Variants in ZNF804A observed in about 807,000 individuals in gnomAD.
ZNF804A encodes zinc finger protein 804A.
In ZNF804A, 2 loss-of-function variants were observed where a neutral mutation model predicts 16.5. That is an observed-to-expected ratio of 0.12 (90% CI 0.05 to 0.38). The LOEUF (loss-of-function observed/expected upper bound fraction) is 0.38. ZNF804A is among the 10% of genes least tolerant of loss of function. ZNF804A has a pLI of 0.99. For synonymous variants in ZNF804A, 534 were observed against 489.6 expected (o/e 1.09, Z -1.20); for missense variants, 1,473 against 1,390.7 (o/e 1.06, Z -0.94).
intron 1 of ZNF804A, among the ~76,000 whole-genome samples, chr2:184,744,290 A>G (rs537032481): frequency 6.6e-6 from 1 of 152,084 alleles, no homozygotes; most frequent in African/African-American, 2.4e-5. Flanking sequence ...TATATACAGT[A>G]TAAGTACATC....
chr2:184,783,718 T>G (rs1299272335), intron 1 of ZNF804A, among the ~76,000 whole-genome samples: 1 of 151,966 alleles, frequency 6.6e-6, no homozygotes, highest in Non-Finnish European at 1.5e-5. Context: ...AGCCACGTAT[T>G]CCACAGTGCC....
chr2:184,912,318 C>T (rs1685373026), intron 2 of ZNF804A, among the ~76,000 whole-genome samples: 1 of 151,926 alleles, frequency 6.6e-6, no homozygotes, highest in Non-Finnish European at 1.5e-5. Flanking sequence ...GTTGTATATT[C>T]CTTGGATATA....
At chr2:184,601,224 A>G (rs1460709336) in intron 1 of ZNF804A, among the ~76,000 whole-genome samples, 5 of 152,076 alleles carry the variant, frequency 3.3e-5, no homozygotes, top group Non-Finnish European at 7.4e-5. Flanking sequence ...CATGAGTATT[A>G]TTATGGAAAA....
At chr2:184,892,547 C>T (rs989769600) in intron 2 of ZNF804A, among the ~76,000 whole-genome samples, 1 of 133,966 alleles carries the variant, frequency 7.5e-6, no homozygotes, top group African/African-American at 2.7e-5. Context: ...TGCAGTGGCT[C>T]GATCTCGGCT....
At chr2:184,795,337 A>G (rs374649211) in intron 1 of ZNF804A, among the ~76,000 whole-genome samples, 3 of 152,150 alleles carry the variant, frequency 2.0e-5, no homozygotes, top group African/African-American at 7.2e-5. Flanking sequence ...TCAGAAACAA[A>G]ATCAAGGTGG....
intron 1 of ZNF804A, among the ~76,000 whole-genome samples, chr2:184,655,059 C>A (rs1692051649): frequency 6.6e-6 from 1 of 152,164 alleles, no homozygotes; most frequent in South Asian, 2.1e-4. Context: ...TGTATTCTAT[C>A]TAGGGAAAAG....
At chr2:184,627,348 T>A (rs1364819617) in intron 1 of ZNF804A, among the ~76,000 whole-genome samples, 5 of 152,176 alleles carry the variant, frequency 3.3e-5, no homozygotes, top group African/African-American at 1.2e-4. Context: ...CCTAGAAAGA[T>A]GAATTTATAT....
chr2:184,695,277 C>T lies in ZNF804A; in HGVS notation c.111+96207C>T, dbSNP rs570920311. Among the ~76,000 whole-genome samples, 13 of 151,574 alleles carry T rather than the reference C, an allele frequency of 8.6e-5. No homozygotes were observed. The South Asian group carries it at 2.1e-3, about 24-fold the overall frequency. The stretch of plus-strand genomic sequence containing the variant: ...GAGATCGAGACCATCCTGGCTAATA[C>T]GGTGAAACCCCGTCTCTACTAAAAA... On this transcript the variant is annotated intron_variant, in intron 1 of 3. Transcript: ENST00000302277.
chr2:184,608,607 C>T (rs544401840), intron 1 of ZNF804A, among the ~76,000 whole-genome samples: 15 of 152,086 alleles, frequency 9.9e-5, no homozygotes, highest in Admixed American at 6.5e-4. Flanking sequence ...ATTAGTGTAT[C>T]GTGAAACTTT....
intron 1 of ZNF804A, among the ~76,000 whole-genome samples, chr2:184,804,089 C>T (rs1447652422): frequency 6.6e-6 from 1 of 152,088 alleles, no homozygotes; most frequent in Admixed American, 6.5e-5. Flanking sequence ...TGGTCTTGAA[C>T]TCCTGACCTC....
chr2:184,653,008 T>C (rs971258143), intron 1 of ZNF804A, among the ~76,000 whole-genome samples: 1 of 151,920 alleles, frequency 6.6e-6, no homozygotes, highest in Non-Finnish European at 1.5e-5. Context: ...CTTTCCTTTA[T>C]AAACTCAGCC....
At chr2:184,800,581 A>AT (rs1330306182) in intron 1 of ZNF804A, among the ~76,000 whole-genome samples, 1 of 151,484 alleles carries the variant, frequency 6.6e-6, no homozygotes, top group Non-Finnish European at 1.5e-5. Context: ...ATACTTATAG[A>AT]TTTTCTAGCT....
chr2:184,802,046 G>A (rs1694734953), intron 1 of ZNF804A, among the ~76,000 whole-genome samples: 1 of 152,118 alleles, frequency 6.6e-6, no homozygotes, highest in African/African-American at 2.4e-5. Context: ...TTAGGTCGAG[G>A]CTGAATATTG....
intron 1 of ZNF804A, among the ~76,000 whole-genome samples, chr2:184,842,649 T>A (rs1355956003): frequency 6.6e-6 from 1 of 152,034 alleles, no homozygotes; most frequent in Non-Finnish European, 1.5e-5. Context: ...TTAAAATACA[T>A]AACAATGAAA....
chr2:184,736,851 ATTTC>A (rs147591388), intron 1 of ZNF804A, among the ~76,000 whole-genome samples: 7,652 of 144,794 alleles, frequency 0.053, 240 homozygotes, highest in Middle Eastern at 0.084. Flanking sequence ...TAGAACTCGT[ATTTC>A]TTCTTTTTTT....
chr2:184,666,271 C>T (rs1204019657), intron 1 of ZNF804A, among the ~76,000 whole-genome samples: 1 of 151,948 alleles, frequency 6.6e-6, no homozygotes, highest in Non-Finnish European at 1.5e-5. Flanking sequence ...ATTTGATTAT[C>T]TCAAAATAGC....
intron 1 of ZNF804A, among the ~76,000 whole-genome samples, chr2:184,658,587 A>C (rs2105704779): frequency 6.6e-6 from 1 of 152,296 alleles, no homozygotes; most frequent in African/African-American, 2.4e-5. Context: ...ATTTAGATTT[A>C]GGCTATGAGA....
At chr2:184,746,389 G>A (rs1693790001) in intron 1 of ZNF804A, among the ~76,000 whole-genome samples, 1 of 150,982 alleles carries the variant, frequency 6.6e-6, no homozygotes. Flanking sequence ...CTATGAGATC[G>A]ATGAAAAAAC....
intron 1 of ZNF804A, among the ~76,000 whole-genome samples, chr2:184,733,381 C>T (rs10165596): frequency 0.14 from 21,693 of 151,968 alleles, 1,683 homozygotes; most frequent in Middle Eastern, 0.24. Flanking sequence ...ATAAATTACA[C>T]TTAGTTGTGA....
Sources: gnomAD v4.1 joint callset for allele counts (sites outside exome capture counted in the v4.1 genomes callset) on GRCh38, gnomAD v4.1.1 for gene constraint, MANE v1.5 for transcripts, NCBI Gene and HGNC (gene_info 2026-07-23, HGNC 2026-07-21) for gene names.